DEDD: variants seen among roughly 807,000 people sequenced by gnomAD.
The protein encoded by DEDD is death effector domain containing, also known as death effector domain-containing protein.
In DEDD, 3 loss-of-function variants were observed where a neutral mutation model predicts 29.2. The observed-to-expected ratio is 0.10, with a 90% CI of 0.05 to 0.27. The LOEUF (loss-of-function observed/expected upper bound fraction) is 0.27. Among genes scored for constraint, DEDD ranks in the 10% least tolerant of loss-of-function variants. DEDD has a pLI of 1.00. For synonymous variants in DEDD, 152 were observed against 161.3 expected (o/e 0.94, Z 0.44); for missense variants, 261 against 420.5 (o/e 0.62, Z 3.32).
At chr1:161,123,526 C>T (rs796332420) in intron 4 of DEDD, among the ~76,000 whole-genome samples, 16 of 151,888 alleles carry the variant, frequency 1.1e-4, no homozygotes, top group African/African-American at 3.9e-4. Flanking sequence ...GTCCCAGCTA[C>T]TCAGGAGGCT....
chr1:161,122,661 G>T lies in DEDD; in HGVS notation c.581-138C>A. ...GACAGCTTCTCTACCTCTTCCCCAGGACTATTTCTATGTATCTCTGAAATC... is the reference window on the plus strand; with the variant it reads ...GACAGCTTCTCTACCTCTTCCCCAGTACTATTTCTATGTATCTCTGAAATC... On this transcript the variant is annotated intron_variant, in intron 5 of 5. Coordinates refer to ENST00000368006, the MANE Select transcript of DEDD (RefSeq NM_032998.3). The surrounding 1 kb of genome is among the most constrained non-coding windows in gnomAD (Gnocchi z 4.2). 3 of 1,154,026 alleles carry T rather than the reference G, an allele frequency of 2.6e-6. No individual in the cohort carries two copies. Among genetic ancestry groups the T allele is most frequent in the East Asian group, 4.9e-5 (2 of 40,988 alleles). 71.5% of individuals were successfully genotyped at this position (1,154,026 alleles called of 1,614,324 possible).
chr1:161,124,059 C>T, intron 3 of DEDD, 79 bp downstream of exon 3: 1 of 1,577,964 alleles, frequency 6.3e-7, no homozygotes, highest in East Asian at 2.2e-5. Context: ...TCAATGTGTC[C>T]TCCCCTTTGG....
At position 161,121,815 on chromosome 1, in the gene DEDD, C is replaced by CA. The variant is rs1431567264; in HGVS notation, c.*331dup. On this transcript the variant is annotated 3_prime_UTR_variant, in exon 6 of 6. Coordinates refer to ENST00000368006, the MANE Select transcript of DEDD (RefSeq NM_032998.3). ...AGTATTGATAACTCCTTAGTGCATC[C>CA]AAAAAAAAGTGTTCACATCAATCCC... 1.0e-4 allele frequency: 23 copies of CA among 223,746 alleles called. No individual in the cohort carries two copies. Among genetic ancestry groups the CA allele is most frequent in the East Asian group, 2.7e-4 (3 of 11,112 alleles). 13.9% of individuals were successfully genotyped at this position (223,746 alleles called of 1,614,324 possible).
At position 161,124,400 on chromosome 1, in the gene DEDD, A is replaced by G. The variant is rs1135783; in HGVS notation, c.63T>C (p.His21=). The stretch of plus-strand genomic sequence containing the variant: ...ACATGCGGTGCAGGCTGTACAGCCC[A>G]TGTTCCTGCTCACCATGCTCTTCTG... ...VWPEEHGEQE[H]GLYSLHRMFD... Residue 21 remains histidine, a synonymous_variant, in exon 3 of 6, where the codon CAT becomes CAC. Coordinates refer to ENST00000368006, the MANE Select transcript of DEDD (RefSeq NM_032998.3). 133,863 of 1,613,236 alleles carry G rather than the reference A, an allele frequency of 0.083. 5,885 individuals carry two copies. The highest frequency in any genetic ancestry group is 0.14 in the South Asian group (12,805 of 91,086).
At chr1:161,123,271 T>C (rs1655735274) in intron 4 of DEDD, 50 bp from the exon 5 acceptor site, 1 of 1,519,092 alleles carries the variant, frequency 6.6e-7, no homozygotes, top group African/African-American at 1.4e-5. Flanking sequence ...AAGGCAGAAA[T>C]TCAAACACTT....
chr1:161,131,769 C>G (rs1365050262), intron 1 of DEDD, among the ~76,000 whole-genome samples: 1 of 152,042 alleles, frequency 6.6e-6, no homozygotes, highest in Non-Finnish European at 1.5e-5. Context: ...CTCTTAAAAG[C>G]TAAGGGCCTG....
Position 161,121,250 on chromosome 1 carries a change from G to A in DEDD, c.*897C>T. ...TGGGAGTGGGCGTAGGAGTGGAGGA[G>A]GGGGAAGGAAAAAGGAATTACTTCA... On this transcript the variant is annotated 3_prime_UTR_variant, in exon 6 of 6. Coordinates refer to ENST00000368006, the MANE Select transcript of DEDD (RefSeq NM_032998.3). 1 of 930,826 alleles carries A rather than the reference G, an allele frequency of 1.1e-6. No homozygotes were observed. Among genetic ancestry groups the A allele is most frequent in the South Asian group, 4.8e-5 (1 of 20,990 alleles). 57.7% of individuals were successfully genotyped at this position (930,826 alleles called of 1,614,324 possible). A position where few individuals can be genotyped will look rare whatever the true frequency, so the allele number is the denominator to read the frequency against.
chr1:161,124,153 T>G lies in DEDD; in HGVS notation c.310A>C (p.Lys104Gln). Residue 104 changes from lysine to glutamine, a missense_variant, in exon 3 of 6, where the codon AAG becomes CAG. By Grantham distance (53) the Lys-to-Gln change is moderately conservative (BLOSUM62 1). Transcript: ENST00000368006. ...ACTTCCTCACCAGCCCGTCTCCTCT[T>G]GAGGGTGACGTAGGGCAGCAGGTCG... is the stretch of plus-strand genomic sequence containing the variant. ...RHDLLPYVTL[K>Q]RRRAVCPDLV... The G allele has an allele frequency of 6.2e-7, 1 of 1,613,284 alleles. No individual in the cohort carries two copies.
At position 161,122,024 on chromosome 1, in the gene DEDD, TAAAAAAA is replaced by T; in HGVS notation, c.*116_*122del. On this transcript the variant is annotated 3_prime_UTR_variant, in exon 6 of 6. Transcript: ENST00000368006. The surrounding 1 kb of genome is among the most constrained non-coding windows in gnomAD (Gnocchi z 4.2). ...TTCCACTTTCTTTTGTCTTTTTCTT[TAAAAAAA>T]AAAAAAAAAAGGCAGGGGTGTGATT... 1.9e-6 allele frequency: 2 copies of T among 1,068,152 alleles called. No individual in the cohort carries two copies. Among genetic ancestry groups the T allele is most frequent in the Non-Finnish European group, 2.6e-6 (2 of 781,934 alleles). The allele number at this position is 1,068,152 out of a possible 1,614,324, so 66.2% of individuals were successfully genotyped here.
Position 161,123,751 on chromosome 1 carries a change from T to A in DEDD, c.433+88A>T. On this transcript the variant is annotated intron_variant, in intron 4 of 5. Coordinates refer to ENST00000368006, the MANE Select transcript of DEDD (RefSeq NM_032998.3). ...CAAGATGTGGGCGCACAGCATCCTT[T>A]CATTTAAGCTGGCAAAGCCCAGAAT... is the stretch of plus-strand genomic sequence containing the variant. 9.9e-6 allele frequency: 12 copies of A among 1,212,310 alleles called. No homozygotes were observed. In the South Asian group the frequency reaches 1.4e-4, roughly 14 times the overall value. 75.1% of individuals were successfully genotyped at this position (1,212,310 alleles called of 1,614,324 possible). A position where few individuals can be genotyped will look rare whatever the true frequency, so the allele number is the denominator to read the frequency against.
chr1:161,131,475 C>G (rs1656665003), intron 1 of DEDD, among the ~76,000 whole-genome samples: 1 of 152,162 alleles, frequency 6.6e-6, no homozygotes. Flanking sequence ...AGATGCCACT[C>G]TATCTTTTCT....
intron 3 of DEDD, 61 bp from the exon 4 acceptor site, chr1:161,124,007 C>T (rs934250818): frequency 1.1e-5 from 18 of 1,593,018 alleles, no homozygotes; most frequent in Non-Finnish European, 1.3e-5. Flanking sequence ...TCAGTCCAAA[C>T]CCCCAGTGGG....
Position 161,124,504 on chromosome 1 carries a change from C to A in DEDD, c.-42G>T. The A allele has an allele frequency of 6.4e-7, 1 of 1,566,372 alleles. No homozygotes were observed. The highest frequency in any genetic ancestry group is 1.2e-5 in the South Asian group (1 of 83,714). ...CGCAATGCTTTCCAGAATCCCTGCT[C>A]AGCAGCTGCAATCCCCACCGTACTG... is the stretch of plus-strand genomic sequence containing the variant. On this transcript the variant is annotated 5_prime_UTR_variant, in exon 3 of 6. It removes the in-frame stop codon of an upstream open reading frame in the 5' UTR. Transcript: ENST00000368006.
rs369105667 is a variant in DEDD at position 161,122,421 on chromosome 1, C to T, written c.683G>A (p.Arg228His). Residue 228 changes from arginine to histidine, a missense_variant, in exon 6 of 6, where the codon CGC (arginine) becomes CAC (histidine). By Grantham distance (29) the Arg-to-His change is conservative (BLOSUM62 0). This residue lies in a region of DEDD where 58 missense variants were observed against 151.8 expected (regional missense o/e 0.38). Transcript: ENST00000368006. This position sits in a 1 kb window ranked among gnomAD's most constrained non-coding sequence, Gnocchi z 4.2. ...KQDPLERQFE[R>H]FNQANTILKS... is the part of the protein sequence containing the mutation. ...GAGGATGGTGTTGGCCTGGTTAAAG[C>T]GCTCAAACTGGCGCTCAAGTGGGTC... 26 of 1,614,092 alleles carry T rather than the reference C, an allele frequency of 1.6e-5. No individual in the cohort carries two copies. Among genetic ancestry groups the T allele is most frequent in the Non-Finnish European group, 2.2e-5 (26 of 1,180,050 alleles).
At chr1:161,124,586 T>C in intron 2 of DEDD, 60 bp from the exon 3 acceptor site, 1 of 1,460,026 alleles carries the variant, frequency 6.8e-7, no homozygotes, top group South Asian at 1.4e-5. Context: ...TCTCATGCAT[T>C]CCCATATTCC....
rs917504009 is a variant in DEDD, at chr1:161,132,543, C to G, written c.-98+8G>C. ...CCTCTCCCCACTCCGGCCGCCCCTCCGCCTCACTCTCGGCTCAGGCTCGGC... is the reference window on the plus strand; with the variant it reads ...CCTCTCCCCACTCCGGCCGCCCCTCGGCCTCACTCTCGGCTCAGGCTCGGC... On this transcript the variant is annotated splice_region_variant and intron_variant, in intron 1 of 5. Coordinates refer to ENST00000368006, the MANE Select transcript of DEDD (RefSeq NM_032998.3). 4 of 154,484 alleles carry G rather than the reference C, an allele frequency of 2.6e-5. No individual in the cohort carries two copies. The East Asian group carries it at 7.7e-4, about 30-fold the overall frequency. 9.6% of individuals were successfully genotyped at this position (154,484 alleles called of 1,614,324 possible). A position where few individuals can be genotyped will look rare whatever the true frequency, so the allele number is the denominator to read the frequency against.
At chr1:161,130,883 A>C (rs1656612394) in intron 1 of DEDD, 36 bp from the exon 2 acceptor site, 1 of 152,274 alleles carries the variant, frequency 6.6e-6, no homozygotes, top group African/African-American at 2.4e-5. Context: ...CAAAACAAAA[A>C]CAAATAAGGA....
rs1429405963 is a variant in DEDD, at chr1:161,122,820, G to A, written c.580+255C>T. On this transcript the variant is annotated intron_variant, in intron 5 of 5. Coordinates refer to ENST00000368006, the MANE Select transcript of DEDD (RefSeq NM_032998.3). The surrounding 1 kb of genome is among the most constrained non-coding windows in gnomAD (Gnocchi z 4.2). ...GGCATAGAAGTTCATTTTAATACTCGACTTGGCTCATCCTACAATAAGGAT... is the reference window on the plus strand; with the variant it reads ...GGCATAGAAGTTCATTTTAATACTCAACTTGGCTCATCCTACAATAAGGAT... 3.3e-5 allele frequency among the ~76,000 whole-genome samples: 5 copies of A among 152,226 alleles called. No homozygotes were observed. The highest frequency in any genetic ancestry group is 2.1e-4 in the South Asian group (1 of 4,834).
intron 2 of DEDD, among the ~76,000 whole-genome samples, chr1:161,128,517 C>G (rs1440940345): frequency 6.6e-6 from 1 of 152,130 alleles, no homozygotes. Flanking sequence ...AGAAGAATCG[C>G]TTGAGCCTGG....
Sources: gnomAD v4.1 joint callset for allele counts (sites outside exome capture counted in the v4.1 genomes callset) on GRCh38, gnomAD v4.1.1 for gene constraint, gnomAD v4.1.1 regional missense constraint, Gnocchi (gnomAD v3.1) non-coding constraint, MANE v1.5 for transcripts, NCBI Gene and HGNC (gene_info 2026-07-23, HGNC 2026-07-21) for gene names.